KANK3: variants seen among roughly 807,000 people sequenced by gnomAD.
KANK3 encodes the protein KN motif and ankyrin repeat domain-containing protein 3.
KANK3 carries 61 observed loss-of-function variants against 65.4 expected under a neutral mutation model. The ratio of observed to expected loss-of-function variants is 0.93; its 90% CI spans 0.76 to 1.15. KANK3 has a LOEUF of 1.15. KANK3 is among the 50% of genes most tolerant of loss of function. The pLI is 0.00. For synonymous variants in KANK3, 586 were observed against 543.3 expected, an observed-to-expected ratio of 1.08 and a Z score of -1.09; for missense variants, 1,187 against 1,178.8, an observed-to-expected ratio of 1.01 and a Z score of -0.10.
chr19:8,338,321 C>T (rs1046344498), intron 1 of KANK3, among the ~76,000 whole-genome samples: 16 of 151,980 alleles, frequency 1.1e-4, no homozygotes, highest in Non-Finnish European at 1.6e-4. Context: ...CGTGCCTAGC[C>T]GACCTTGAAA....
chr19:8,342,422 G>A (rs1299738202), intron 1 of KANK3, among the ~76,000 whole-genome samples: 3 of 152,078 alleles, frequency 2.0e-5, no homozygotes, highest in South Asian at 2.1e-4. Context: ...CCTCTCCTCC[G>A]CTCCCTGCCC....
Position 8,335,216 on chromosome 19 carries a change from G to A in KANK3, c.611C>T (p.Ala204Val). The change falls in exon 3 of 11, where the codon GCG becomes GTG. Residue 204 changes from alanine to valine, a missense_variant. Ala to Val is a moderately conservative substitution (Grantham distance 64, BLOSUM62 0). Transcript: ENST00000330915. ...CTCCTGCAGCTCGGGCAGCGTTCGCGCCTGGTCCTCGAGCTCGCGCAGGCG... is the reference window on the plus strand; with the variant it reads ...CTCCTGCAGCTCGGGCAGCGTTCGCACCTGGTCCTCGAGCTCGCGCAGGCG... ...LRRLRELEDQARTLPELQEQV... is the reference protein window; with the variant it reads ...LRRLRELEDQVRTLPELQEQV... 1.6e-6 allele frequency: 2 copies of A among 1,221,282 alleles called. No individual in the cohort carries two copies. The highest frequency in any genetic ancestry group is 2.0e-6 in the Non-Finnish European group (2 of 980,278). The allele number at this position is 1,221,282 out of a possible 1,614,324, so 75.7% of individuals were successfully genotyped here.
intron 2 of KANK3, among the ~76,000 whole-genome samples, chr19:8,337,409 G>A (rs1322607887): frequency 6.6e-6 from 1 of 152,058 alleles, no homozygotes; most frequent in Non-Finnish European, 1.5e-5. Context: ...CACCGTGTTA[G>A]CCAGGATGGT....
At position 8,334,878 on chromosome 19, in the gene KANK3, G is replaced by C; in HGVS notation, c.949C>G (p.Gln317Glu). The C allele has an allele frequency of 6.9e-7, 1 of 1,458,070 alleles. No homozygotes were observed. The highest frequency in any genetic ancestry group is 1.3e-5 in the South Asian group (1 of 74,454). The allele number at this position is 1,458,070 out of a possible 1,614,324, so 90.3% of individuals were successfully genotyped here. A position where few individuals can be genotyped will look rare whatever the true frequency, so the allele number is the denominator to read the frequency against. Residue 317 changes from glutamine to glutamate, a missense_variant, in exon 3 of 11, where the codon CAG (glutamine) becomes GAG (glutamate). Transcript: ENST00000330915. ...AVPETREAGA[Q>E]AVPETREAGV... ...GCCTCCCGGGTCTCCGGCACGGCCT[G>C]GGCACCCGCTTCTCGGGTCTCGGGC...
At chr19:8,329,492 C>CAAAAAAAAAAAAA in intron 7 of KANK3, among the ~76,000 whole-genome samples, 1 of 51,124 alleles carries the variant, frequency 2.0e-5, no homozygotes, top group Non-Finnish European at 3.7e-5. Context: ...GACTCGGCCT[C>CAAAAAAAAAAAAA]AAAAAAAAAA....
chr19:8,329,639 C>A (rs1240280772), intron 7 of KANK3, among the ~76,000 whole-genome samples: 1 of 151,980 alleles, frequency 6.6e-6, no homozygotes, highest in East Asian at 1.9e-4. Flanking sequence ...ATTAGCCCAG[C>A]AATTCCTGTT....
chr19:8,337,418 G>A (rs915879693), intron 2 of KANK3, among the ~76,000 whole-genome samples: 5 of 152,034 alleles, frequency 3.3e-5, no homozygotes, highest in Non-Finnish European at 7.4e-5. Context: ...AGCCAGGATG[G>A]TCTTGACCTC....
In KANK3 at chr19:8,334,849, G is replaced by T; in HGVS notation, c.978C>A (p.Gly326=). ...AQAVPETREA[G]VEAAPETVEA... ...CCACGGTCTCGGGGGCAGCCTCCAC[G>T]CCGGCCTCCCGGGTCTCCGGCACGG... Residue 326 remains glycine (G), a synonymous_variant, in exon 3 of 11, where the codon GGC becomes GGA. Coordinates refer to ENST00000330915, the MANE Select transcript of KANK3 (RefSeq NM_198471.3). 6.8e-7 allele frequency: 1 copy of T among 1,469,680 alleles called. No individual in the cohort carries two copies. 91.0% of individuals were successfully genotyped at this position (1,469,680 alleles called of 1,614,324 possible).
Position 8,335,544 on chromosome 19 carries a change from G to A in KANK3, c.283C>T (p.Leu95=). The A allele has an allele frequency of 8.2e-7, 1 of 1,220,386 alleles. No individual in the cohort carries two copies. Among genetic ancestry groups the A allele is most frequent in the African/African-American group, 1.6e-5 (1 of 63,440 alleles). 75.6% of individuals were successfully genotyped at this position (1,220,386 alleles called of 1,614,324 possible). The change falls in exon 3 of 11, where the codon CTG becomes TTG. Residue 95 remains leucine (L), a synonymous_variant. Coordinates refer to ENST00000330915, the MANE Select transcript of KANK3 (RefSeq NM_198471.3). ...GGTGCTCCACCGTCGTCACTGGCCA[G>A]GGACTCGCTGGATGTCCAGGCGCCT... The part of the protein sequence containing the change: ...SPGAWTSSES[L]ASDDGGAPGI...
Position 8,334,655 on chromosome 19 carries a change from G to T in KANK3, c.1172C>A (p.Ala391Glu). The T allele has an allele frequency of 1.3e-6, 2 of 1,541,150 alleles. No homozygotes were observed. The highest frequency in any genetic ancestry group is 1.7e-6 in the Non-Finnish European group (2 of 1,150,556). Reference protein sequence around the residue: ...EAREAAEEAAAGARAQLREAT... With the variant: ...EAREAAEEAAEGARAQLREAT... ...CTCGCGTAGCTGGGCCCGGGCCCCC[G>T]CCGCTGCCTCCTCCGCAGCCTCGCG... Residue 391 changes from alanine (A) to glutamate (E), a missense_variant, in exon 3 of 11, where the codon GCG (alanine) becomes GAG (glutamate). Around this residue, in one of 3 missense-constraint regions of KANK3, gnomAD observed 1,078 missense variants for 1,038.2 expected, o/e 1.04. Coordinates refer to ENST00000330915, the MANE Select transcript of KANK3 (RefSeq NM_198471.3).
intron 7 of KANK3, among the ~76,000 whole-genome samples, chr19:8,327,876 A>G (rs916806410): frequency 2.0e-5 from 3 of 152,100 alleles, no homozygotes; most frequent in South Asian, 2.1e-4. Flanking sequence ...GTCAGGGAGG[A>G]GCACCCAGAA....
chr19:8,339,862 G>A (rs1000083916), intron 1 of KANK3, among the ~76,000 whole-genome samples: 2 of 151,100 alleles, frequency 1.3e-5, no homozygotes, highest in Non-Finnish European at 2.9e-5. Context: ...TACTCAAGAA[G>A]CTGAGGCAGG....
intron 1 of KANK3, among the ~76,000 whole-genome samples, chr19:8,342,798 G>C (rs1328091974): frequency 6.6e-6 from 1 of 152,178 alleles, no homozygotes; most frequent in African/African-American, 2.4e-5. Flanking sequence ...AAGCGCCGCC[G>C]GGCGGTTCCA....
At chr19:8,339,750 C>T (rs1246936558) in intron 1 of KANK3, among the ~76,000 whole-genome samples, 2 of 151,942 alleles carry the variant, frequency 1.3e-5, no homozygotes, top group Admixed American at 6.6e-5. Context: ...GCAACAAGAG[C>T]GAAGCTCTGT....
At position 8,334,768 on chromosome 19, in the gene KANK3, G is replaced by T. The variant is rs1481481091; in HGVS notation, c.1059C>A (p.Arg353=). The T allele has an allele frequency of 6.7e-7, 1 of 1,503,544 alleles. No individual in the cohort carries two copies. The highest frequency in any genetic ancestry group is 2.1e-5 in the Admixed American group (1 of 47,160). The allele number at this position is 1,503,544 out of a possible 1,614,324, so 93.1% of individuals were successfully genotyped here. The part of the protein sequence containing the change: ...ALLGLPAAAE[R]ELELLRASLE... The stretch of plus-strand genomic sequence containing the variant: ...GACTGGCGCGCAGCAGCTCTAGCTC[G>T]CGCTCGGCGGCCGCAGGCAGCCCCA... Residue 353 remains arginine (R), a synonymous_variant, in exon 3 of 11, where the codon CGC becomes CGA. Coordinates refer to ENST00000330915, the MANE Select transcript of KANK3 (RefSeq NM_198471.3).
chr19:8,334,153 C>A, intron 4 of KANK3, 37 bp from the exon 5 acceptor site: 1 of 1,490,720 alleles, frequency 6.7e-7, no homozygotes, highest in Non-Finnish European at 8.9e-7. Flanking sequence ...TAAACCTCCC[C>A]TGTGGGCTCG....
At chr19:8,339,008 C>T (rs538378988) in intron 1 of KANK3, among the ~76,000 whole-genome samples, 5 of 151,696 alleles carry the variant, frequency 3.3e-5, no homozygotes, top group South Asian at 4.2e-4. Flanking sequence ...AACAAATCAA[C>T]GGATACTTGT....
chr19:8,342,042 G>C (rs1361424174), intron 1 of KANK3, among the ~76,000 whole-genome samples: 1 of 152,182 alleles, frequency 6.6e-6, no homozygotes, highest in Non-Finnish European at 1.5e-5. Context: ...CACCCAGGCT[G>C]GAGTGCAGTG....
At chr19:8,337,127 G>A (rs1300223765) in intron 2 of KANK3, among the ~76,000 whole-genome samples, 1 of 151,782 alleles carries the variant, frequency 6.6e-6, no homozygotes, top group Non-Finnish European at 1.5e-5. Flanking sequence ...CTGCCTCCCA[G>A]GTTCCAGCAA....
Sources: gnomAD v4.1 joint callset for allele counts (sites outside exome capture counted in the v4.1 genomes callset) on GRCh38, gnomAD v4.1.1 for gene constraint, gnomAD v4.1.1 regional missense constraint, MANE v1.5 for transcripts, NCBI Gene and HGNC (gene_info 2026-07-23, HGNC 2026-07-21) for gene names.